SNTG1: variants seen among roughly 807,000 people sequenced by gnomAD.
SNTG1 encodes gamma-1-syntrophin.
A neutral mutation model predicts 74.7 loss-of-function variants in SNTG1; 39 were observed. The ratio of observed to expected loss-of-function variants is 0.52; its 90% CI spans 0.40 to 0.68. The LOEUF is 0.68. SNTG1 is among the 30% of genes least tolerant of loss of function. The probability of loss-of-function intolerance (pLI) is 0.00; values close to 1 mark genes in which losing one functional copy is unlikely to be tolerated. For synonymous variants in SNTG1, 254 were observed against 217.1 expected (o/e 1.17, Z -1.49); for missense variants, 685 against 609.5 (o/e 1.12, Z -1.30).
At chr8:50,589,146 T>C (rs896101158) in intron 12 of SNTG1, among the ~76,000 whole-genome samples, 1 of 152,174 alleles carries the variant, frequency 6.6e-6, no homozygotes, top group Non-Finnish European at 1.5e-5. Context: ...CATTTTATTA[T>C]TTTAATAGTA....
chr8:50,011,038 C>T (rs77096171), intron 1 of SNTG1, among the ~76,000 whole-genome samples: 1,735 of 152,100 alleles, frequency 0.011, 21 homozygotes, highest in Non-Finnish European at 0.017. Flanking sequence ...TGATTTATTT[C>T]ATATATCTGG....
At chr8:50,727,944 G>C (rs574139962) in intron 17 of SNTG1, among the ~76,000 whole-genome samples, 2 of 152,260 alleles carry the variant, frequency 1.3e-5, no homozygotes, top group East Asian at 1.9e-4. Context: ...TCCTTAAACT[G>C]TTTACTGATC....
At chr8:50,298,752 C>A (rs2089505981) in intron 2 of SNTG1, among the ~76,000 whole-genome samples, 1 of 152,142 alleles carries the variant, frequency 6.6e-6, no homozygotes, top group African/African-American at 2.4e-5. Flanking sequence ...TGAAATGTTT[C>A]TAGAGGAAGT....
intron 2 of SNTG1, among the ~76,000 whole-genome samples, chr8:50,210,696 C>T (rs1052395609): frequency 1.3e-5 from 2 of 152,156 alleles, no homozygotes; most frequent in African/African-American, 4.8e-5. Context: ...TGACAATCCC[C>T]TCCTCATTGG....
chr8:50,208,462 G>A (rs578152221), intron 2 of SNTG1, among the ~76,000 whole-genome samples: 18 of 152,140 alleles, frequency 1.2e-4, no homozygotes, highest in African/African-American at 1.9e-4. Context: ...GTCTCTCCAC[G>A]TGAGATGGTT....
chr8:50,104,835 T>C (rs1342987413), intron 1 of SNTG1, among the ~76,000 whole-genome samples: 1 of 152,146 alleles, frequency 6.6e-6, no homozygotes, highest in African/African-American at 2.4e-5. Context: ...GTGTATGTCT[T>C]GTTTTGAGAA....
chr8:50,166,567 A>T (rs2082620782), intron 1 of SNTG1, among the ~76,000 whole-genome samples: 3 of 44,060 alleles, frequency 6.8e-5, no homozygotes, highest in African/African-American at 2.4e-4. Context: ...CAAAACCACT[A>T]TGAGATATCA....
chr8:50,134,738 A>G (rs7010439), intron 1 of SNTG1, among the ~76,000 whole-genome samples: 86 of 152,046 alleles, frequency 5.7e-4, no homozygotes, highest in African/African-American at 1.9e-3. Context: ...TATAGATAGA[A>G]GAAGGGGCAT....
intron 1 of SNTG1, among the ~76,000 whole-genome samples, chr8:49,915,587 T>C (rs1345412432): frequency 1.3e-5 from 2 of 152,238 alleles, no homozygotes; most frequent in Non-Finnish European, 2.9e-5. Context: ...TTAGTTGACC[T>C]GAGTCTATTT....
At chr8:50,771,100 GGGAAGTGGCACT>G (rs1333923180) in intron 18 of SNTG1, among the ~76,000 whole-genome samples, 2 of 152,074 alleles carry the variant, frequency 1.3e-5, no homozygotes, top group Non-Finnish European at 2.9e-5. Context: ...TCTGAAAATG[GGGAAGTGGCACT>G]GGAAGTGGGT....
chr8:50,347,841 A>T (rs2091526994), intron 2 of SNTG1, among the ~76,000 whole-genome samples: 1 of 152,244 alleles, frequency 6.6e-6, no homozygotes, highest in Admixed American at 6.5e-5. Context: ...GTACTTAAAT[A>T]TTCACATATA....
At chr8:50,279,081 C>A (rs1429915129) in intron 2 of SNTG1, among the ~76,000 whole-genome samples, 1 of 152,024 alleles carries the variant, frequency 6.6e-6, no homozygotes, top group East Asian at 1.9e-4. Flanking sequence ...TTTATGCAAT[C>A]AATTAATGAA....
chr8:49,941,858 G>A (rs1280726468), intron 1 of SNTG1, among the ~76,000 whole-genome samples: 2 of 152,170 alleles, frequency 1.3e-5, no homozygotes, highest in African/African-American at 4.8e-5. Context: ...ACCATTTTGT[G>A]TTTATTTACT....
chr8:50,453,992 T>C (rs2093479559), intron 8 of SNTG1, among the ~76,000 whole-genome samples: 1 of 152,208 alleles, frequency 6.6e-6, no homozygotes, highest in Admixed American at 6.5e-5. Context: ...GTGTTTTTAT[T>C]TTCCATGTGA....
chr8:50,550,936 G>C (rs941641081), intron 11 of SNTG1, among the ~76,000 whole-genome samples: 6 of 152,018 alleles, frequency 3.9e-5, no homozygotes, highest in Non-Finnish European at 8.8e-5. Context: ...TCTATGTGGG[G>C]ACATTTTCTT....
At chr8:50,101,069 A>G (rs1192467402) in intron 1 of SNTG1, among the ~76,000 whole-genome samples, 1 of 152,118 alleles carries the variant, frequency 6.6e-6, no homozygotes, top group African/African-American at 2.4e-5. Context: ...GCTTAGGATA[A>G]TGGCCTCCAG....
intron 18 of SNTG1, chr8:50,762,656 G>C (rs1217606178): frequency 4.4e-6 from 2 of 457,986 alleles, no homozygotes; most frequent in Non-Finnish European, 8.8e-6. Context: ...ATCTGTGTAA[G>C]AGAATCCAAC....
intron 1 of SNTG1, among the ~76,000 whole-genome samples, chr8:50,064,165 G>A (rs1382394973): frequency 6.6e-6 from 1 of 152,176 alleles, no homozygotes; most frequent in African/African-American, 2.4e-5. Context: ...CTCAATACAT[G>A]TTAGCTATTT....
intron 1 of SNTG1, among the ~76,000 whole-genome samples, chr8:49,959,817 C>T (rs1184332061): frequency 1.3e-5 from 2 of 152,128 alleles, no homozygotes; most frequent in Admixed American, 1.3e-4. Flanking sequence ...TTTTAGAATA[C>T]AAATGGTAAC....
Sources: allele counts gnomAD v4.1 joint callset (sites outside exome capture counted in the v4.1 genomes callset), GRCh38; gene constraint gnomAD v4.1.1; transcripts MANE v1.5; gene names NCBI Gene and HGNC (gene_info 2026-07-23, HGNC 2026-07-21).